AP3B2: variants seen among roughly 807,000 people sequenced by gnomAD.
AP3B2 encodes the protein AP-3 complex subunit beta-2.
In AP3B2, 50 loss-of-function variants were observed where a neutral mutation model predicts 126.9. That is an observed-to-expected ratio of 0.39 (90% CI 0.31 to 0.50). The LOEUF is 0.50. Among genes scored for constraint, AP3B2 ranks in the 20% least tolerant of loss-of-function variants. The pLI, the probability that AP3B2 is intolerant of heterozygous loss-of-function variation, is 0.79. For missense variants in AP3B2, 1,177 were observed against 1,426.4 expected (o/e 0.83, Z 2.82); for synonymous variants, 541 against 565.0 (o/e 0.96, Z 0.60).
chr15:82,663,722 T>G (rs1187155096), intron 20 of AP3B2, 79 bp downstream of exon 20: 5 of 1,599,898 alleles, frequency 3.1e-6, no homozygotes, highest in African/African-American at 1.3e-5. Flanking sequence ...GGTAGGGAGA[T>G]AGATGTCTGG....
At position 82,659,988 on chromosome 15, in the gene AP3B2, G is replaced by A. The variant is rs1304966921; in HGVS notation, c.3017-5C>T. The stretch of plus-strand genomic sequence containing the variant: ...CATTCATGCCCATCAGCTTTCCTGG[G>A]GGTAGAGGTCGTGATGAGGGCAGAG... On this transcript the variant is annotated splice_polypyrimidine_tract_variant and splice_region_variant and intron_variant, in intron 25 of 26. Transcript: ENST00000535359. The A allele has an allele frequency of 8.1e-6, 13 of 1,613,684 alleles. No individual in the cohort carries two copies. The highest frequency in any genetic ancestry group is 1.1e-5 in the Non-Finnish European group (13 of 1,179,764).
chr15:82,670,270 C>A (rs1038393994), intron 14 of AP3B2, among the ~76,000 whole-genome samples: 1 of 151,730 alleles, frequency 6.6e-6, no homozygotes, highest in African/African-American at 2.4e-5. Context: ...CCACCACGCT[C>A]AGCTAATTTT....
At chr15:82,709,541 C>T (rs2048850003) in intron 1 of AP3B2, 53 bp downstream of exon 1, 23 of 1,335,924 alleles carry the variant, frequency 1.7e-5, no homozygotes, top group Admixed American at 6.0e-5. Context: ...CCGCGCGCCT[C>T]GCCCGGTCCC....
chr15:82,667,055 G>A (rs368279287), intron 14 of AP3B2, 122 bp from the exon 15 acceptor site: 12 of 1,000,310 alleles, frequency 1.2e-5, no homozygotes, highest in East Asian at 2.6e-5. Flanking sequence ...TAGGACCGGC[G>A]CTTCCACCCA....
At position 82,681,645 on chromosome 15, in the gene AP3B2, A is replaced by AC. The variant is rs775831286; in HGVS notation, c.361-66dup. On this transcript the variant is annotated intron_variant, in intron 4 of 26. Transcript: ENST00000535359. The surrounding 1 kb of genome is among the most constrained non-coding windows in gnomAD (Gnocchi z 4.0). ...AGGTGCCCTGATGGGGGGAGGCCAC[A>AC]CCTTTGGAAGTCACTGTCCCCAGCG... is the stretch of plus-strand genomic sequence containing the variant. 6.5e-7 allele frequency: 1 copy of AC among 1,544,460 alleles called. No homozygotes were observed. Among genetic ancestry groups the AC allele is most frequent in the Non-Finnish European group, 8.8e-7 (1 of 1,139,770 alleles).
chr15:82,668,888 T>C (rs531956578), intron 14 of AP3B2, among the ~76,000 whole-genome samples: 1 of 152,074 alleles, frequency 6.6e-6, no homozygotes, highest in Admixed American at 6.5e-5. Context: ...AACACTGACT[T>C]CCTTTCCATA....
At chr15:82,699,870 C>T in intron 1 of AP3B2, 3 of 399,822 alleles carry the variant, frequency 7.5e-6, no homozygotes, top group Non-Finnish European at 8.8e-6. Flanking sequence ...GCAGGAATCG[C>T]TGCATCAGGT....
Position 82,681,320 on chromosome 15 carries a change from C to T in AP3B2, c.521+100G>A. On this transcript the variant is annotated intron_variant, in intron 5 of 26. Transcript: ENST00000535359. This position sits in a 1 kb window ranked among gnomAD's most constrained non-coding sequence, Gnocchi z 4.0. ...AGTCCCCCAAACTACCCTCCTCAAA[C>T]CCTCTGAGAAGCAGCAGGCAAGACT... 1.3e-6 allele frequency: 2 copies of T among 1,554,182 alleles called. No individual in the cohort carries two copies. Among genetic ancestry groups the T allele is most frequent in the Non-Finnish European group, 1.7e-6 (2 of 1,143,004 alleles).
At position 82,680,782 on chromosome 15, in the gene AP3B2, G is replaced by A; in HGVS notation, c.772-27C>T. The A allele has an allele frequency of 6.2e-7, 1 of 1,603,982 alleles. No homozygotes were observed. The highest frequency in any genetic ancestry group is 2.2e-5 in the East Asian group (1 of 44,766). On this transcript the variant is annotated intron_variant, in intron 7 of 26. Transcript: ENST00000535359. The surrounding 1 kb of genome is among the most constrained non-coding windows in gnomAD (Gnocchi z 6.1). ...TGGACGGGGAGACCGACGGGTCTGT[G>A]GGCGCCTCCCCGGGACACACTTCGG...
At chr15:82,673,666 A>G in intron 14 of AP3B2, among the ~76,000 whole-genome samples, 1 of 152,376 alleles carries the variant, frequency 6.6e-6, no homozygotes, top group Middle Eastern at 3.4e-3. Context: ...GGAATAAAAA[A>G]TAAGGAAATA....
intron 12 of AP3B2, 130 bp from the exon 13 acceptor site, chr15:82,677,513 C>G: frequency 7.3e-7 from 1 of 1,363,672 alleles, no homozygotes; most frequent in South Asian, 1.4e-5. Flanking sequence ...TAGCAGCCCT[C>G]AGAGGTGTAG....
chr15:82,671,103 C>T (rs1472470471), intron 14 of AP3B2, among the ~76,000 whole-genome samples: 1 of 151,870 alleles, frequency 6.6e-6, no homozygotes, highest in Non-Finnish European at 1.5e-5. Flanking sequence ...ACCAACACAG[C>T]GAAACCCCAT....
At chr15:82,663,721 A>G (rs2047998679) in intron 20 of AP3B2, 80 bp downstream of exon 20, 4 of 1,600,200 alleles carry the variant, frequency 2.5e-6, no homozygotes, top group Non-Finnish European at 3.4e-6. Context: ...TGGTAGGGAG[A>G]TAGATGTCTG....
chr15:82,669,294 T>C lies in AP3B2; in HGVS notation c.1666-2361A>G, dbSNP rs141550272. 1.2e-3 allele frequency among the ~76,000 whole-genome samples: 180 copies of C among 152,354 alleles called. No homozygotes were observed. The East Asian group carries it at 0.026, about 22-fold the overall frequency. ...GGAAAAGAATTCAAATTATCCTTGTTTGCAGATGATATGATCTTATATTTA... is the reference window on the plus strand; with the variant it reads ...GGAAAAGAATTCAAATTATCCTTGTCTGCAGATGATATGATCTTATATTTA... On this transcript the variant is annotated intron_variant, in intron 14 of 26. Transcript: ENST00000535359.
chr15:82,689,065 C>A, intron 3 of AP3B2, 93 bp downstream of exon 3: 4 of 1,448,660 alleles, frequency 2.8e-6, no homozygotes, highest in Non-Finnish European at 3.8e-6. Flanking sequence ...AGGTCGGGCC[C>A]CCAGGGGCTA....
At chr15:82,694,907 G>A (rs535722514) in intron 1 of AP3B2, among the ~76,000 whole-genome samples, 2 of 152,162 alleles carry the variant, frequency 1.3e-5, no homozygotes, top group East Asian at 3.9e-4. Flanking sequence ...TAAAACTCTT[G>A]ACAATAGGGA....
intron 1 of AP3B2, among the ~76,000 whole-genome samples, chr15:82,693,009 T>G (rs552485210): frequency 1.3e-5 from 2 of 151,674 alleles, no homozygotes; most frequent in Non-Finnish European, 2.9e-5. Flanking sequence ...AGAATATTTT[T>G]GGGAAAAGAA....
rs2048340427 is a variant in AP3B2 at position 82,681,631 on chromosome 15, TG to T, written c.361-52del. 3.8e-6 allele frequency: 6 copies of T among 1,579,768 alleles called. No individual in the cohort carries two copies. Among genetic ancestry groups the T allele is most frequent in the Middle Eastern group, 1.7e-4 (1 of 5,930 alleles). On this transcript the variant is annotated intron_variant, in intron 4 of 26. Coordinates refer to ENST00000535359, the MANE Select transcript of AP3B2 (RefSeq NM_001278512.2). The surrounding 1 kb of genome is among the most constrained non-coding windows in gnomAD (Gnocchi z 4.0). ...TATGAAAGGGCACCAGGTGCCCTGA[TG>T]GGGGGAGGCCACACCTTTGGAAGTC... is the stretch of plus-strand genomic sequence containing the variant.
At chr15:82,667,208 C>G (rs1375402016) in intron 14 of AP3B2, among the ~76,000 whole-genome samples, 1 of 152,152 alleles carries the variant, frequency 6.6e-6, no homozygotes, top group African/African-American at 2.4e-5. Flanking sequence ...ACTCCTGGCT[C>G]TGGACTCCAT....
Sources: allele counts gnomAD v4.1 joint callset (sites outside exome capture counted in the v4.1 genomes callset), GRCh38; gene constraint gnomAD v4.1.1; non-coding constraint Gnocchi (gnomAD v3.1); transcripts MANE v1.5; gene names NCBI Gene and HGNC (gene_info 2026-07-23, HGNC 2026-07-21).